HAL: variants seen among roughly 807,000 people sequenced by gnomAD.
The protein encoded by HAL is histidase.
HAL carries 85 observed loss-of-function variants against 81.1 expected under a neutral mutation model. The ratio of observed to expected loss-of-function variants is 1.05; its 90% CI spans 0.88 to 1.25. The LOEUF (loss-of-function observed/expected upper bound fraction) is 1.25. Among genes scored for constraint, HAL ranks in the 50% most tolerant of loss-of-function variants. HAL has a pLI of 0.00. For synonymous variants in HAL, 301 were observed against 309.2 expected (o/e 0.97, Z 0.28); for missense variants, 798 against 836.6 (o/e 0.95, Z 0.57).
intron 12 of HAL, 55 bp from the exon 13 acceptor site, chr12:95,986,215 A>T: frequency 9.5e-6 from 10 of 1,054,554 alleles, no homozygotes; most frequent in South Asian, 2.6e-5. Flanking sequence ...TATTTTTTTT[A>T]AAGATGGGGG....
chr12:95,984,103 T>C, intron 14 of HAL, 112 bp from the exon 15 acceptor site: 2 of 688,898 alleles, frequency 2.9e-6, no homozygotes, highest in Non-Finnish European at 2.6e-6. Flanking sequence ...ATACAGAAGA[T>C]CTTATTTTAA....
intron 15 of HAL, among the ~76,000 whole-genome samples, chr12:95,983,336 C>T (rs1451386264): frequency 4.6e-5 from 7 of 151,870 alleles, no homozygotes; most frequent in Admixed American, 3.3e-4. Flanking sequence ...TGCAGAGAGC[C>T]GAGATGGCAC....
chr12:95,992,231 G>A (rs117428214), intron 9 of HAL, among the ~76,000 whole-genome samples: 76 of 152,348 alleles, frequency 5.0e-4, no homozygotes, highest in Non-Finnish European at 8.5e-4. Context: ...CAAGAAGTTG[G>A]ATTTTAGTGT....
intron 17 of HAL, among the ~76,000 whole-genome samples, chr12:95,979,814 G>A (rs189433770): frequency 5.2e-4 from 79 of 152,318 alleles, no homozygotes; most frequent in Non-Finnish European, 5.7e-4. Context: ...TTTGAATTCT[G>A]CTTTACATCT....
chr12:95,994,100 T>A lies in HAL; in HGVS notation c.401A>T (p.Tyr134Phe), dbSNP rs1320502100. 6.2e-7 allele frequency: 1 copy of A among 1,612,932 alleles called. No individual in the cohort carries two copies. Among genetic ancestry groups the A allele is most frequent in the Admixed American group, 1.7e-5 (1 of 59,990 alleles). Residue 134 changes from tyrosine (Y) to phenylalanine (F), a missense_variant, in exon 5 of 21, where the codon TAC becomes TTC. Coordinates refer to ENST00000261208, the MANE Select transcript of HAL (RefSeq NM_002108.4). ...EDLVNLGKGR[Y>F]KIKLTPTAEK... Reference sequence around the variant, plus strand: ...CCTCCCTCCCCATACCTTTATTTTGTAGCGTCCCTTTCCCAAGTTGACCAG... The same window carrying A: ...CCTCCCTCCCCATACCTTTATTTTGAAGCGTCCCTTTCCCAAGTTGACCAG...
intron 17 of HAL, among the ~76,000 whole-genome samples, chr12:95,979,470 G>A (rs2080765511): frequency 6.6e-6 from 1 of 152,116 alleles, no homozygotes; most frequent in South Asian, 2.1e-4. Flanking sequence ...TTTTATGCAG[G>A]TGTAAATTGA....
At chr12:95,992,421 C>T (rs558216740) in intron 9 of HAL, among the ~76,000 whole-genome samples, 58 of 152,196 alleles carry the variant, frequency 3.8e-4, no homozygotes, top group Non-Finnish European at 6.9e-4. Flanking sequence ...ACTTAAGAGT[C>T]CTGTTCTAGT....
chr12:95,975,228 T>G (rs535927689), intron 20 of HAL, among the ~76,000 whole-genome samples: 1 of 152,354 alleles, frequency 6.6e-6, no homozygotes, highest in East Asian at 1.9e-4. Flanking sequence ...CCAGACCTAC[T>G]GAATCCACAC....
chr12:95,980,539 A>G lies in HAL; in HGVS notation c.1519+17T>C. ...GATGGACGGGCGTGTGTTCTGGGAA[A>G]GGGGCAGTGTCCTTACCAAGGGCTG... On this transcript the variant is annotated intron_variant, in intron 17 of 20. Coordinates refer to ENST00000261208, the MANE Select transcript of HAL (RefSeq NM_002108.4). 6.2e-7 allele frequency: 1 copy of G among 1,611,252 alleles called. No homozygotes were observed.
chr12:95,984,924 T>C (rs1434196797), intron 14 of HAL, among the ~76,000 whole-genome samples: 2 of 152,236 alleles, frequency 1.3e-5, no homozygotes, highest in African/African-American at 2.4e-5. Flanking sequence ...GGGAGGACTC[T>C]CTATTACACC....
At position 95,976,510 on chromosome 12, in the gene HAL, G is replaced by A; in HGVS notation, c.1764-12C>T. ...CTTTTATCCAGGGCCTACAGGGAGA[G>A]CACATCCGCCCATCAGCCAAACATG... On this transcript the variant is annotated splice_polypyrimidine_tract_variant and intron_variant, in intron 19 of 20. Coordinates refer to ENST00000261208, the MANE Select transcript of HAL (RefSeq NM_002108.4). The A allele has an allele frequency of 6.2e-7, 1 of 1,613,554 alleles. No individual in the cohort carries two copies. Among genetic ancestry groups the A allele is most frequent in the Non-Finnish European group, 8.5e-7 (1 of 1,179,430 alleles).
chr12:95,990,445 A>C lies in HAL; in HGVS notation c.803T>G (p.Val268Gly). The change falls in exon 10 of 21, where the codon GTT (valine) becomes GGT (glycine). Residue 268 changes from valine to glycine, a missense_variant. Coordinates refer to ENST00000261208, the MANE Select transcript of HAL (RefSeq NM_002108.4). The part of the protein sequence containing the change: ...APLSHLALGL[V>G]GEGKMWSPKS... ...CGGAGACCACATCTTCCCTTCTCCA[A>C]CTAGCCCAAGAGCAAGATGAGAGAG... is the stretch of plus-strand genomic sequence containing the variant. 6.2e-7 allele frequency: 1 copy of C among 1,613,096 alleles called. No individual in the cohort carries two copies. The highest frequency in any genetic ancestry group is 1.1e-5 in the South Asian group (1 of 91,070).
rs377069477 is a variant in HAL at position 95,976,733 on chromosome 12, G to A, written c.1655-27C>T. The A allele has an allele frequency of 9.8e-5, 138 of 1,411,868 alleles. 1 individual carries two copies. Among genetic ancestry groups the A allele is most frequent in the South Asian group, 9.7e-4 (84 of 86,994 alleles). The allele number at this position is 1,411,868 out of a possible 1,614,324, so 87.5% of individuals were successfully genotyped here. A position where few individuals can be genotyped will look rare whatever the true frequency, so the allele number is the denominator to read the frequency against. ...TGAAACAAGAAATTCCAAGAGGGTA[G>A]CTTATGAAAGTCTGACTTCATGCTT... is the stretch of plus-strand genomic sequence containing the variant. On this transcript the variant is annotated intron_variant, in intron 18 of 20. Coordinates refer to ENST00000261208, the MANE Select transcript of HAL (RefSeq NM_002108.4).
Position 95,992,804 on chromosome 12 carries a change from A to T in HAL, c.591T>A (p.Gly197=). The change falls in exon 9 of 21, where the codon GGT becomes GGA. Residue 197 remains glycine, a splice_region_variant and synonymous_variant. Transcript: ENST00000261208. ...TCTCAGGACTTAGTGGTTTCCCAAC[A>T]CCTGCAAAACAGAATTGATGTTTTC... The part of the protein sequence containing the change: ...QVNLVRSHSS[G]VGKPLSPERC... 1 of 1,612,822 alleles carries T rather than the reference A, an allele frequency of 6.2e-7. No individual in the cohort carries two copies. Among genetic ancestry groups the T allele is most frequent in the South Asian group, 1.1e-5 (1 of 91,070 alleles).
intron 15 of HAL, among the ~76,000 whole-genome samples, chr12:95,982,046 A>G (rs967528034): frequency 1.3e-5 from 2 of 152,202 alleles, no homozygotes; most frequent in African/African-American, 2.4e-5. Context: ...CCTCTTCTCC[A>G]TTCTCTGAAT....
rs2080684377 is a variant in HAL, at chr12:95,973,917, T to C, written c.*315A>G. 3.6e-6 allele frequency: 1 copy of C among 277,760 alleles called. No homozygotes were observed. The highest frequency in any genetic ancestry group is 2.1e-5 in the African/African-American group (1 of 46,590). 17.2% of individuals were successfully genotyped at this position (277,760 alleles called of 1,614,324 possible). ...ATTTGAATTCATCTAATGCTAAGAGTAAAAAACAGGCACATACAATTGTGG... is the reference window on the plus strand; with the variant it reads ...ATTTGAATTCATCTAATGCTAAGAGCAAAAAACAGGCACATACAATTGTGG... On this transcript the variant is annotated 3_prime_UTR_variant, in exon 21 of 21. Coordinates refer to ENST00000261208, the MANE Select transcript of HAL (RefSeq NM_002108.4).
chr12:95,993,438 C>T lies in HAL; in HGVS notation c.589+13G>A, dbSNP rs200377219. On this transcript the variant is annotated intron_variant, in intron 8 of 20. Coordinates refer to ENST00000261208, the MANE Select transcript of HAL (RefSeq NM_002108.4). ...CACACAAGATCCAGGAGGCACCCAA[C>T]GTTTTGACTTACCTGAAGAATGTGA... is the stretch of plus-strand genomic sequence containing the variant. 1.5e-4 allele frequency: 236 copies of T among 1,568,464 alleles called. No individual in the cohort carries two copies. Among genetic ancestry groups the T allele is most frequent in the South Asian group, 1.4e-4 (13 of 90,160 alleles).
At chr12:95,977,147 C>T (rs1404479093) in intron 18 of HAL, among the ~76,000 whole-genome samples, 2 of 152,198 alleles carry the variant, frequency 1.3e-5, no homozygotes, top group Non-Finnish European at 2.9e-5. Context: ...AGATGCTTTA[C>T]ATCTCGTGGT....
Position 95,974,226 on chromosome 12 carries a change from A to C in HAL, c.*6T>G. The stretch of plus-strand genomic sequence containing the variant: ...CCTCTCATCTGCTACTTCATGACAA[A>C]GCCCATTAAAGGTCCTCAGACTCCG... On this transcript the variant is annotated 3_prime_UTR_variant, in exon 21 of 21. Coordinates refer to ENST00000261208, the MANE Select transcript of HAL (RefSeq NM_002108.4). 1 of 1,613,564 alleles carries C rather than the reference A, an allele frequency of 6.2e-7. No individual in the cohort carries two copies. Among genetic ancestry groups the C allele is most frequent in the Non-Finnish European group, 8.5e-7 (1 of 1,179,464 alleles).
Sources: allele counts gnomAD v4.1 joint callset (sites outside exome capture counted in the v4.1 genomes callset), GRCh38; gene constraint gnomAD v4.1.1; transcripts MANE v1.5; gene names NCBI Gene and HGNC (gene_info 2026-07-23, HGNC 2026-07-21).